FRMD6: variants seen among roughly 807,000 people sequenced by gnomAD.
FRMD6 encodes the protein FERM domain containing 6.
Under a neutral mutation model 73.2 loss-of-function variants are expected in FRMD6, and 37 were observed. That is an observed-to-expected ratio of 0.51 (90% CI 0.39 to 0.66). The LOEUF is 0.66. Among genes scored for constraint, FRMD6 ranks in the 30% least tolerant of loss-of-function variants. The pLI, the probability that FRMD6 is intolerant of heterozygous loss-of-function variation, is 0.00. For missense variants in FRMD6, 714 were observed against 780.5 expected (o/e 0.91, Z 1.02); for synonymous variants, 273 against 282.2 (o/e 0.97, Z 0.33).
At chr14:51,413,398 G>A in the FRMD6 span, among the ~76,000 whole-genome samples, 1 of 152,184 alleles carries the variant, frequency 6.6e-6, no homozygotes, top group African/African-American at 2.4e-5. Context: ...CTATGAGTGA[G>A]AACATGCAGC....
chr14:51,585,923 A>ATGTGTG (rs144016037), intron 2 of FRMD6, among the ~76,000 whole-genome samples: 757 of 36,890 alleles, frequency 0.021, 171 homozygotes, highest in Middle Eastern at 0.051. Context: ...ATGCCATGGC[A>ATGTGTG]TGTGTGTGTG....
At chr14:51,583,464 C>A (rs1001950338) in intron 2 of FRMD6, among the ~76,000 whole-genome samples, 1 of 152,164 alleles carries the variant, frequency 6.6e-6, no homozygotes, top group Non-Finnish European at 1.5e-5. Context: ...TTATTTAAAA[C>A]GTGTGAAATG....
chr14:51,427,776 C>T, the FRMD6 span, among the ~76,000 whole-genome samples: 1 of 152,180 alleles, frequency 6.6e-6, no homozygotes, highest in Non-Finnish European at 1.5e-5. Context: ...AGGAAGTTTG[C>T]AAGCTTTCTG....
At chr14:51,682,421 A>T (rs1423803242) in intron 1 of FRMD6, among the ~76,000 whole-genome samples, 1 of 152,106 alleles carries the variant, frequency 6.6e-6, no homozygotes, top group Non-Finnish European at 1.5e-5. Flanking sequence ...GATAGGAAAC[A>T]GTGAATTAAT....
At chr14:51,403,458 T>C in the FRMD6 span, among the ~76,000 whole-genome samples, 2 of 152,222 alleles carry the variant, frequency 1.3e-5, no homozygotes. Context: ...TGGAGTGCAG[T>C]GGCACGATCA....
intron 11 of FRMD6, among the ~76,000 whole-genome samples, chr14:51,721,524 C>T (rs190972080): frequency 1.2e-4 from 19 of 152,054 alleles, no homozygotes; most frequent in African/African-American, 2.2e-4. Flanking sequence ...GCAGGAGAAT[C>T]GCTTGAACCC....
At chr14:51,447,920 C>T in the FRMD6 span, among the ~76,000 whole-genome samples, 930 of 152,318 alleles carry the variant, frequency 6.1e-3, 9 homozygotes, top group African/African-American at 0.021. Flanking sequence ...ATGATTCTAG[C>T]TTGGCAGTTA....
intron 2 of FRMD6, among the ~76,000 whole-genome samples, chr14:51,597,680 T>C (rs374652110): frequency 2.6e-5 from 4 of 152,362 alleles, no homozygotes; most frequent in African/African-American, 9.6e-5. Context: ...TGAGCTAATA[T>C]ATACAAACTA....
chr14:51,511,717 G>A (rs1054245065), intron 1 of FRMD6, among the ~76,000 whole-genome samples: 4 of 152,074 alleles, frequency 2.6e-5, no homozygotes, highest in African/African-American at 7.2e-5. Context: ...ATCACACACC[G>A]GGGCCAGTTG....
At chr14:51,645,581 T>G (rs1157315823) in intron 2 of FRMD6, among the ~76,000 whole-genome samples, 1 of 152,126 alleles carries the variant, frequency 6.6e-6, no homozygotes, top group Non-Finnish European at 1.5e-5. Flanking sequence ...GGACCATAGC[T>G]GCAAGCCACT....
At chr14:51,713,412 C>A (rs569784235) in intron 9 of FRMD6, among the ~76,000 whole-genome samples, 2 of 150,390 alleles carry the variant, frequency 1.3e-5, no homozygotes, top group Non-Finnish European at 3.0e-5. Context: ...GAGCCAAGAC[C>A]GCACCATTGC....
the FRMD6 span, among the ~76,000 whole-genome samples, chr14:51,472,935 T>C: frequency 6.6e-6 from 1 of 152,224 alleles, no homozygotes; most frequent in Admixed American, 6.5e-5. Context: ...AGAATATTTG[T>C]CCCTACATGT....
chr14:51,657,055 TA>T (rs1293321752), intron 1 of FRMD6, among the ~76,000 whole-genome samples: 1 of 152,158 alleles, frequency 6.6e-6, no homozygotes, highest in East Asian at 1.9e-4. Flanking sequence ...GGAAATCATT[TA>T]AAAAAATTAA....
At chr14:51,400,419 A>G in the FRMD6 span, among the ~76,000 whole-genome samples, 1 of 152,158 alleles carries the variant, frequency 6.6e-6, no homozygotes, top group Non-Finnish European at 1.5e-5. Context: ...AGGTTCATTC[A>G]TGTTCATACA....
intron 1 of FRMD6, among the ~76,000 whole-genome samples, chr14:51,662,180 C>G: frequency 6.6e-6 from 1 of 152,138 alleles, no homozygotes; most frequent in Non-Finnish European, 1.5e-5. Context: ...TTAATTCAAT[C>G]TATTGATCCT....
At chr14:51,520,091 G>A (rs899088622) in intron 1 of FRMD6, among the ~76,000 whole-genome samples, 1 of 152,130 alleles carries the variant, frequency 6.6e-6, no homozygotes, top group African/African-American at 2.4e-5. Context: ...AAAAATTTGT[G>A]CCAGGTGTAT....
intron 1 of FRMD6, among the ~76,000 whole-genome samples, chr14:51,509,376 A>G (rs1266192349): frequency 6.6e-6 from 1 of 151,932 alleles, no homozygotes; most frequent in Non-Finnish European, 1.5e-5. Flanking sequence ...ATACAAAAAA[A>G]TTTAGCCAGG....
chr14:51,597,928 C>T (rs1183359575), intron 2 of FRMD6, among the ~76,000 whole-genome samples: 1 of 152,124 alleles, frequency 6.6e-6, no homozygotes, highest in Non-Finnish European at 1.5e-5. Flanking sequence ...AGACTGAGGC[C>T]TGGAAACAAG....
chr14:51,423,511 G>C, the FRMD6 span, among the ~76,000 whole-genome samples: 1 of 152,158 alleles, frequency 6.6e-6, no homozygotes, highest in Non-Finnish European at 1.5e-5. Context: ...GAGCTCCTGA[G>C]ATGGCTCACC....
Sources: gnomAD v4.1 joint callset for allele counts (sites outside exome capture counted in the v4.1 genomes callset) on GRCh38, gnomAD v4.1.1 for gene constraint, MANE v1.5 for transcripts, NCBI Gene and HGNC (gene_info 2026-07-23, HGNC 2026-07-21) for gene names.